Variants in TBX15 observed in about 807,000 individuals in gnomAD.
TBX15 encodes T-box transcription factor TBX15.
In TBX15, 18 loss-of-function variants were observed where a neutral mutation model predicts 53.9. The observed-to-expected ratio is 0.33, with a 90% CI of 0.23 to 0.49. The LOEUF is 0.49. Ranked by LOEUF, TBX15 falls within the 20% of genes least tolerant of loss-of-function variation. The pLI is 0.98. For synonymous variants in TBX15, 295 were observed against 278.0 expected (o/e 1.06, Z -0.61); for missense variants, 692 against 749.5 (o/e 0.92, Z 0.90).
intron 6 of TBX15, among the ~76,000 whole-genome samples, chr1:118,902,951 C>G (rs1430084492): frequency 6.6e-6 from 1 of 152,104 alleles, no homozygotes; most frequent in Non-Finnish European, 1.5e-5. Context: ...AAAAGCAGTC[C>G]TAGGTAATGG....
At chr1:118,968,885 T>C (rs1361193868) in intron 1 of TBX15, among the ~76,000 whole-genome samples, 1 of 152,172 alleles carries the variant, frequency 6.6e-6, no homozygotes, top group Non-Finnish European at 1.5e-5. Flanking sequence ...ACCAGGCCTC[T>C]ATCTCCATCG....
At chr1:118,928,635 C>T (rs1253128306) in intron 2 of TBX15, among the ~76,000 whole-genome samples, 2 of 152,096 alleles carry the variant, frequency 1.3e-5, no homozygotes, top group Non-Finnish European at 2.9e-5. Flanking sequence ...CATTTACTAC[C>T]TGAGATAAGA....
At position 118,931,840 on chromosome 1, in the gene TBX15, A is replaced by G. The variant is rs1655796544; in HGVS notation, c.206-8T>C. ...CAGTGCTCTGCTCAGAATCTGCAAA[A>G]TAAACAATCAAGCCTTAGGTGAGAA... is the stretch of plus-strand genomic sequence containing the variant. On this transcript the variant is annotated splice_region_variant and splice_polypyrimidine_tract_variant and intron_variant, in intron 1 of 7. Transcript: ENST00000369429. The G allele has an allele frequency of 6.4e-7, 1 of 1,559,484 alleles. No individual in the cohort carries two copies. The highest frequency in any genetic ancestry group is 1.4e-5 in the African/African-American group (1 of 73,690).
chr1:118,932,320 T>C (rs1471605561), intron 1 of TBX15, among the ~76,000 whole-genome samples: 1 of 152,236 alleles, frequency 6.6e-6, no homozygotes, highest in African/African-American at 2.4e-5. Flanking sequence ...CAGTTATTTT[T>C]AAACACAGAA....
chr1:118,934,590 C>T (rs1463879032), intron 1 of TBX15, among the ~76,000 whole-genome samples: 2 of 152,158 alleles, frequency 1.3e-5, no homozygotes, highest in Non-Finnish European at 2.9e-5. Context: ...TGGGAAATAA[C>T]AAAGTACACA....
intron 1 of TBX15, among the ~76,000 whole-genome samples, chr1:118,960,625 G>T (rs74112208): frequency 0.025 from 3,791 of 152,240 alleles, 171 homozygotes; most frequent in African/African-American, 0.087. Context: ...GGCCTGCCAG[G>T]GTAGAAAGCA....
chr1:118,930,440 G>C (rs887545911), intron 2 of TBX15, among the ~76,000 whole-genome samples: 1 of 152,176 alleles, frequency 6.6e-6, no homozygotes, highest in African/African-American at 2.4e-5. Context: ...TTTTGAGACA[G>C]AGTCTTGCTC....
At chr1:118,959,882 T>C (rs1314239638) in intron 1 of TBX15, among the ~76,000 whole-genome samples, 2 of 152,098 alleles carry the variant, frequency 1.3e-5, no homozygotes, top group East Asian at 1.9e-4. Context: ...ATATAGTACC[T>C]TGGGGTGGAG....
chr1:118,945,056 C>G (rs1000147305), intron 1 of TBX15, among the ~76,000 whole-genome samples: 6 of 152,142 alleles, frequency 3.9e-5, no homozygotes, highest in Admixed American at 1.3e-4. Context: ...AGAAAGCTTG[C>G]AATACGTAGC....
intron 2 of TBX15, among the ~76,000 whole-genome samples, chr1:118,929,524 C>T (rs1440391526): frequency 1.3e-5 from 2 of 152,112 alleles, no homozygotes; most frequent in African/African-American, 4.8e-5. Flanking sequence ...ACAGTTGAGA[C>T]AACTGAATAC....
chr1:118,924,463 T>C (rs1320537206), intron 4 of TBX15, among the ~76,000 whole-genome samples, 183 bp downstream of exon 4: 1 of 152,236 alleles, frequency 6.6e-6, no homozygotes, highest in African/African-American at 2.4e-5. Context: ...GTTTGCTAAA[T>C]GTTAGATTTG....
chr1:118,893,427 TGGAAGGAA>T (rs1188594449), intron 7 of TBX15, among the ~76,000 whole-genome samples: 2 of 37,804 alleles, frequency 5.3e-5, no homozygotes, highest in Admixed American at 3.1e-4. Context: ...GAAAGAAAGA[TGGAAGGAA>T]GGAAGGAAGG....
At chr1:118,966,519 T>G (rs1657038732) in intron 1 of TBX15, among the ~76,000 whole-genome samples, 1 of 152,206 alleles carries the variant, frequency 6.6e-6, no homozygotes, top group African/African-American at 2.4e-5. Flanking sequence ...GCCCTTAGAA[T>G]GTAAAATGGT....
At chr1:118,919,928 A>T (rs1236027214) in intron 5 of TBX15, among the ~76,000 whole-genome samples, 1 of 152,178 alleles carries the variant, frequency 6.6e-6, no homozygotes, top group Non-Finnish European at 1.5e-5. Context: ...TAGTCTATTA[A>T]ATTGAATGTC....
chr1:118,888,490 C>A (rs1018329406), intron 7 of TBX15, among the ~76,000 whole-genome samples: 1 of 152,194 alleles, frequency 6.6e-6, no homozygotes, highest in Non-Finnish European at 1.5e-5. Context: ...CTGTGCCTTG[C>A]AGAAATCTCA....
rs1295882944 is a variant in TBX15 at position 118,987,606 on chromosome 1, G to C, written c.190C>G (p.Leu64Val). 1 of 1,548,194 alleles carries C rather than the reference G, an allele frequency of 6.5e-7. No individual in the cohort carries two copies. The highest frequency in any genetic ancestry group is 2.4e-5 in the East Asian group (1 of 40,894). ...GDTEDAAAHG[L>V]EPHPDSEQST... ...ACGCACTCACCCGGGTGAGGCTCCA[G>C]GCCGTGTGCCGCCGCGTCCTCCGTG... Residue 64 changes from leucine (L) to valine (V), a missense_variant, in exon 1 of 8, where the codon CTG becomes GTG. By Grantham distance (32) the Leu-to-Val change is conservative. This residue lies in a region of TBX15 where 307 missense variants were observed against 347.5 expected (regional missense o/e 0.88). Coordinates refer to ENST00000369429, the MANE Select transcript of TBX15 (RefSeq NM_001330677.2).
chr1:118,989,071 C>T (rs1413009624), upstream of TBX15, among the ~76,000 whole-genome samples: 1 of 152,234 alleles, frequency 6.6e-6, no homozygotes, highest in Non-Finnish European at 1.5e-5. Context: ...TACTCTCTTT[C>T]CCTACGGCCC....
rs764058811 is a variant in TBX15, at chr1:118,884,921, G to A, written c.1620C>T (p.Ser540=). ...ASPEKLSASQ[S]TLLCSSPSNG... is the part of the protein sequence containing the mutation. Reference sequence around the variant, plus strand: ...TGGAAGGAGAAGAACAGAGTAAAGTGCTTTGAGAGGCGCTCAGTTTTTCCG... The same window carrying A: ...TGGAAGGAGAAGAACAGAGTAAAGTACTTTGAGAGGCGCTCAGTTTTTCCG... The change falls in exon 8 of 8, where the codon AGC becomes AGT. Residue 540 remains serine, a synonymous_variant. Transcript: ENST00000369429. 4 of 1,614,202 alleles carry A rather than the reference G, an allele frequency of 2.5e-6. No homozygotes were observed. The highest frequency in any genetic ancestry group is 3.3e-5 in the Admixed American group (2 of 60,030).
rs1655113047 is a variant in TBX15 at position 118,914,129 on chromosome 1, A to G, written c.912T>C (p.Asp304=). ...GTGATTCTTACCTGTTTCTCCCAGAATCTCTGAATCCTTTAGCAAAAGGGT... is the reference window on the plus strand; with the variant it reads ...GTGATTCTTACCTGTTTCTCCCAGAGTCTCTGAATCCTTTAGCAAAAGGGT... ...DRNPFAKGFR[D]SGRNRTGLEA... Residue 304 remains aspartate, a synonymous_variant, in exon 6 of 8, where the codon GAT becomes GAC. Coordinates refer to ENST00000369429, the MANE Select transcript of TBX15 (RefSeq NM_001330677.2). 6 of 1,613,740 alleles carry G rather than the reference A, an allele frequency of 3.7e-6. No homozygotes were observed. The African/African-American group carries it at 6.7e-5, about 18-fold the overall frequency.
Sources: gnomAD v4.1 joint callset for allele counts (sites outside exome capture counted in the v4.1 genomes callset) on GRCh38, gnomAD v4.1.1 for gene constraint, gnomAD v4.1.1 regional missense constraint, MANE v1.5 for transcripts, NCBI Gene and HGNC (gene_info 2026-07-23, HGNC 2026-07-21) for gene names.